MSI1: variants seen among roughly 807,000 people sequenced by gnomAD.
MSI1 encodes RNA-binding protein Musashi homolog 1.
Under a neutral mutation model 54.4 loss-of-function variants are expected in MSI1, and 15 were observed. The observed-to-expected ratio is 0.28, with a 90% CI of 0.18 to 0.42. MSI1 has a LOEUF of 0.42. Among genes scored for constraint, MSI1 ranks in the 20% least tolerant of loss-of-function variants. MSI1 has a pLI of 1.00. For synonymous variants in MSI1, 200 were observed against 196.5 expected, an observed-to-expected ratio of 1.02 and a Z score of -0.15; for missense variants, 304 against 506.0, an observed-to-expected ratio of 0.60 and a Z score of 3.83.
intron 10 of MSI1, among the ~76,000 whole-genome samples, chr12:120,351,695 T>G (rs1270950335): frequency 6.9e-6 from 1 of 144,076 alleles, no homozygotes; most frequent in African/African-American, 2.6e-5. Flanking sequence ...TTTCTTTTCT[T>G]TTTCTTTCTT....
chr12:120,363,216 A>G, intron 5 of MSI1, 81 bp from the exon 6 acceptor site: 2 of 1,186,080 alleles, frequency 1.7e-6, no homozygotes, highest in Non-Finnish European at 2.5e-6. Flanking sequence ...CCCCCCTGCC[A>G]GGATGCCAGC....
Position 120,349,095 on chromosome 12 carries a change from AT to A in MSI1, c.791-1582del, listed in dbSNP as rs11447122. 5.2e-3 allele frequency among the ~76,000 whole-genome samples: 662 copies of A among 128,248 alleles called. 5 individuals carry two copies. Among genetic ancestry groups the A allele is most frequent in the African/African-American group, 0.015 (506 of 34,372 alleles). 84.1% of individuals were successfully genotyped at this position (128,248 alleles called of 152,430 possible). A position where few individuals can be genotyped will look rare whatever the true frequency, so the allele number is the denominator to read the frequency against. ...AGGTAAGCCTTTCTTGTTTTACTTGATTTTTTTTTTTTTTTTTTGAGACAGA... is the reference window on the plus strand; with the variant it reads ...AGGTAAGCCTTTCTTGTTTTACTTGATTTTTTTTTTTTTTTTTGAGACAGA... On this transcript the variant is annotated intron_variant, in intron 11 of 14. Transcript: ENST00000257552.
chr12:120,351,708 TC>T (rs1874614492), intron 10 of MSI1, among the ~76,000 whole-genome samples: 1 of 120,150 alleles, frequency 8.3e-6, no homozygotes, highest in Non-Finnish European at 1.6e-5. Flanking sequence ...TCTTTCTTTC[TC>T]TCTTTTTTTT....
intron 11 of MSI1, among the ~76,000 whole-genome samples, chr12:120,350,649 T>G (rs1288887403): frequency 1.3e-5 from 2 of 152,132 alleles, no homozygotes; most frequent in Non-Finnish European, 2.9e-5. Flanking sequence ...CCACCCCACG[T>G]GCTTGCAGTC....
At chr12:120,362,783 A>T (rs1875756425) in intron 6 of MSI1, among the ~76,000 whole-genome samples, 1 of 152,192 alleles carries the variant, frequency 6.6e-6, no homozygotes, top group South Asian at 2.1e-4. Context: ...AAGATAAGTA[A>T]GAGAAAAATA....
In MSI1 at chr12:120,368,418, G is replaced by C; in HGVS notation, c.101-145C>G. On this transcript the variant is annotated intron_variant, in intron 2 of 14. Transcript: ENST00000257552. The surrounding 1 kb of genome is among the most constrained non-coding windows in gnomAD (Gnocchi z 6.6). Reference sequence around the variant, plus strand: ...TTCTCCACTGCCGCCGCCCCCCACCGCCCTCGCCCCGTTCCCGCTGAGCCT... The same window carrying C: ...TTCTCCACTGCCGCCGCCCCCCACCCCCCTCGCCCCGTTCCCGCTGAGCCT... 1.3e-6 allele frequency: 1 copy of C among 777,906 alleles called. No individual in the cohort carries two copies. The highest frequency in any genetic ancestry group is 2.3e-5 in the South Asian group (1 of 43,260). The allele number at this position is 777,906 out of a possible 1,614,324, so 48.2% of individuals were successfully genotyped here. A position where few individuals can be genotyped will look rare whatever the true frequency, so the allele number is the denominator to read the frequency against.
At chr12:120,355,063 T>A (rs1271174846) in intron 9 of MSI1, among the ~76,000 whole-genome samples, 3 of 145,442 alleles carry the variant, frequency 2.1e-5, no homozygotes, top group Admixed American at 2.1e-4. Context: ...AAAAGAGCAT[T>A]ATTGGGTCAA....
At chr12:120,360,953 C>A (rs972700870) in intron 6 of MSI1, among the ~76,000 whole-genome samples, 1 of 152,064 alleles carries the variant, frequency 6.6e-6, no homozygotes, top group African/African-American at 2.4e-5. Context: ...CCAAGCCTGG[C>A]TATGAGAGGA....
chr12:120,339,837 G>C (rs1367944577), downstream of MSI1, among the ~76,000 whole-genome samples: 15 of 151,056 alleles, frequency 9.9e-5, no homozygotes, highest in Non-Finnish European at 2.2e-4. Flanking sequence ...GGAGTACAGT[G>C]GTGCAATCTC....
intron 6 of MSI1, among the ~76,000 whole-genome samples, chr12:120,361,012 T>C (rs1875587574): frequency 6.6e-6 from 1 of 152,098 alleles, no homozygotes; most frequent in Non-Finnish European, 1.5e-5. Flanking sequence ...ACCCAGGATA[T>C]AGTAAGTGCC....
intron 14 of MSI1, among the ~76,000 whole-genome samples, chr12:120,345,188 C>CA (rs1874009880): frequency 6.6e-6 from 1 of 150,598 alleles, no homozygotes; most frequent in Non-Finnish European, 1.5e-5. Context: ...CCTGTCTCTA[C>CA]AAAAAAAGTA....
intron 5 of MSI1, 45 bp downstream of exon 5, chr12:120,364,669 A>G: frequency 6.5e-7 from 1 of 1,541,486 alleles, no homozygotes; most frequent in Non-Finnish European, 8.7e-7. Flanking sequence ...ACTGCCCAGC[A>G]TTGCCCATAG....
intron 10 of MSI1, among the ~76,000 whole-genome samples, chr12:120,352,148 G>A (rs1179270293): frequency 2.0e-5 from 3 of 151,900 alleles, no homozygotes; most frequent in Non-Finnish European, 4.4e-5. Flanking sequence ...CTCCTCAGTA[G>A]CTGGGACCAC....
chr12:120,365,192 C>G (rs986170968), intron 4 of MSI1, among the ~76,000 whole-genome samples: 1 of 152,156 alleles, frequency 6.6e-6, no homozygotes, highest in Non-Finnish European at 1.5e-5. Flanking sequence ...ATTACAGGCA[C>G]GAGTCACCAC....
chr12:120,360,392 A>G (rs905710466), intron 6 of MSI1, among the ~76,000 whole-genome samples: 5 of 152,122 alleles, frequency 3.3e-5, no homozygotes, highest in Non-Finnish European at 7.3e-5. Flanking sequence ...TCTGACTCCC[A>G]CTGGGAGAAC....
rs1020357657 is a variant in MSI1, at chr12:120,368,611, C to T, written c.100+222G>A. 3.9e-5 allele frequency among the ~76,000 whole-genome samples: 6 copies of T among 151,958 alleles called. No individual in the cohort carries two copies. Among genetic ancestry groups the T allele is most frequent in the African/African-American group, 1.4e-4 (6 of 41,412 alleles). On this transcript the variant is annotated intron_variant, in intron 2 of 14. Transcript: ENST00000257552. The surrounding 1 kb of genome is among the most constrained non-coding windows in gnomAD (Gnocchi z 6.6). ...CGGGTCCCGGGGGCCCAGCCCACCC[C>T]CCGATACCCCCTGAACCCCTCATCT... is the stretch of plus-strand genomic sequence containing the variant.
Position 120,342,733 on chromosome 12 carries a change from G to C in MSI1, c.*394C>G, listed in dbSNP as rs1873778380. ...AACAGGGGTTGGGCTGCGGCCTGTA[G>C]CAGGCTCCCTCCGCCTTCACTCCAG... On this transcript the variant is annotated 3_prime_UTR_variant, in exon 15 of 15. Transcript: ENST00000257552. The C allele has an allele frequency of 6.6e-6, 1 of 150,644 alleles. No individual in the cohort carries two copies. Among genetic ancestry groups the C allele is most frequent in the African/African-American group, 2.4e-5 (1 of 40,930 alleles). 9.3% of individuals were successfully genotyped at this position (150,644 alleles called of 1,614,324 possible).
At chr12:120,359,133 C>T in intron 6 of MSI1, 80 bp from the exon 7 acceptor site, 6 of 1,516,984 alleles carry the variant, frequency 4.0e-6, no homozygotes, top group Non-Finnish European at 4.5e-6. Flanking sequence ...CTCTGGCAAC[C>T]CACTGCCCTC....
intron 8 of MSI1, 90 bp downstream of exon 8, chr12:120,357,726 A>C: frequency 7.7e-7 from 1 of 1,301,678 alleles, no homozygotes; most frequent in Non-Finnish European, 1.1e-6. Flanking sequence ...ATCTGGTCTC[A>C]AACTCCTGAC....
Sources: allele counts gnomAD v4.1 joint callset (sites outside exome capture counted in the v4.1 genomes callset), GRCh38; gene constraint gnomAD v4.1.1; non-coding constraint Gnocchi (gnomAD v3.1); transcripts MANE v1.5; gene names NCBI Gene and HGNC (gene_info 2026-07-23, HGNC 2026-07-21).